The following UTP15 variants were observed in gnomAD, a reference collection of about 807,000 sequenced individuals.
UTP15 encodes the protein U3 small nucleolar RNA-associated protein 15 homolog.
A neutral mutation model predicts 59.1 loss-of-function variants in UTP15; 5 were observed. The observed-to-expected ratio is 0.08, with a 90% CI of 0.04 to 0.18. UTP15 has a LOEUF of 0.18. Ranked by LOEUF, UTP15 falls within the 10% of genes least tolerant of loss-of-function variation. UTP15 has a pLI of 1.00. For synonymous variants in UTP15, 211 were observed against 212.2 expected, an observed-to-expected ratio of 0.99 and a Z score of 0.05; for missense variants, 494 against 616.7, an observed-to-expected ratio of 0.80 and a Z score of 2.11.
At chr5:73,575,223 CAT>C (rs1272035015) in intron 7 of UTP15, among the ~76,000 whole-genome samples, 3 of 152,166 alleles carry the variant, frequency 2.0e-5, no homozygotes, top group African/African-American at 7.2e-5. Flanking sequence ...CAAGTTTACA[CAT>C]GTTACTGAAA....
At position 73,576,496 on chromosome 5, in the gene UTP15, C is replaced by T. The variant is rs1244867066; in HGVS notation, c.810-456C>T. Among the ~76,000 whole-genome samples, 5 of 139,114 alleles carry T rather than the reference C, an allele frequency of 3.6e-5. No individual in the cohort carries two copies. The East Asian group carries it at 1.1e-3, about 31-fold the overall frequency. The allele number at this position is 139,114 out of a possible 152,430, so 91.3% of individuals were successfully genotyped here. A position where few individuals can be genotyped will look rare whatever the true frequency, so the allele number is the denominator to read the frequency against. On this transcript the variant is annotated intron_variant, in intron 7 of 12. Coordinates refer to ENST00000296792, the MANE Select transcript of UTP15 (RefSeq NM_032175.4). ...ACAGCTCTTTTTTTTTTTTTTTAGA[C>T]AGAGCTTTGCTCTTGTCGCCCAGGC...
chr5:73,575,135 TAAG>T (rs1269370550), intron 7 of UTP15, among the ~76,000 whole-genome samples: 1 of 152,238 alleles, frequency 6.6e-6, no homozygotes, highest in Non-Finnish European at 1.5e-5. Context: ...GAACCTGCCA[TAAG>T]AAGGATTGAC....
chr5:73,567,082 T>G (rs1211777554), intron 1 of UTP15, among the ~76,000 whole-genome samples, 180 bp from the exon 2 acceptor site: 1 of 152,252 alleles, frequency 6.6e-6, no homozygotes, highest in African/African-American at 2.4e-5. Flanking sequence ...GATGGTGCGA[T>G]ATGATAGCCT....
intron 5 of UTP15, 106 bp from the exon 6 acceptor site, chr5:73,570,480 T>C (rs1747900471): frequency 8.5e-7 from 1 of 1,175,026 alleles, no homozygotes; most frequent in African/African-American, 1.5e-5. Context: ...TATGTCTTTT[T>C]AAAACTCCAT....
In UTP15 at chr5:73,579,203, A is replaced by T. The variant is rs1305468102; in HGVS notation, c.1280+53A>T. 1.9e-6 allele frequency: 3 copies of T among 1,608,764 alleles called. No individual in the cohort carries two copies. In the African/African-American group the frequency reaches 4.0e-5, roughly 22 times the overall value. On this transcript the variant is annotated intron_variant, in intron 11 of 12. Transcript: ENST00000296792. ...CATTTTGCATCTGAAATCCTTTATC[A>T]CCAAATAAAAGACATTTAGTTTGAT...
At chr5:73,568,126 TAAG>T (rs761433360) in intron 2 of UTP15, 106 bp from the exon 3 acceptor site, 10 of 796,668 alleles carry the variant, frequency 1.3e-5, no homozygotes, top group Admixed American at 3.2e-5. Context: ...AAATACAACT[TAAG>T]AAATGTTACT....
At chr5:73,569,884 G>T (rs2112041340) in intron 5 of UTP15, among the ~76,000 whole-genome samples, 1 of 152,230 alleles carries the variant, frequency 6.6e-6, no homozygotes, top group Non-Finnish European at 1.5e-5. Context: ...CCAGGCTGGA[G>T]TGCAGTGATG....
chr5:73,570,784 G>A, intron 6 of UTP15, 73 bp downstream of exon 6: 1 of 1,587,372 alleles, frequency 6.3e-7, no homozygotes, highest in Non-Finnish European at 8.6e-7. Context: ...GTTGCTCTTT[G>A]TAATTTATCA....
intron 9 of UTP15, chr5:73,578,499 G>A (rs1403639206): frequency 2.5e-6 from 1 of 405,784 alleles, no homozygotes; most frequent in East Asian, 4.4e-5. Context: ...TAGAATTAAG[G>A]CAATGGTGCA....
intron 6 of UTP15, 130 bp downstream of exon 6, chr5:73,570,841 AG>A (rs1477078220): frequency 7.7e-7 from 1 of 1,292,788 alleles, no homozygotes; most frequent in East Asian, 2.3e-5. Flanking sequence ...AACAGTTGAT[AG>A]GTAGGACTGG....
At chr5:73,579,279 G>A (rs779767577) in intron 11 of UTP15, 38 bp from the exon 12 acceptor site, 1 of 1,590,736 alleles carries the variant, frequency 6.3e-7, no homozygotes, top group Non-Finnish European at 8.5e-7. Flanking sequence ...TTTTTTTTAA[G>A]TTTACAAGTT....
At chr5:73,578,055 A>G (rs1001522088) in intron 9 of UTP15, 50 bp downstream of exon 9, 10 of 1,556,210 alleles carry the variant, frequency 6.4e-6, no homozygotes, top group South Asian at 1.2e-5. Flanking sequence ...TTGTTAGAGT[A>G]GCCAGCTTCA....
intron 7 of UTP15, among the ~76,000 whole-genome samples, chr5:73,573,468 G>A (rs763326299): frequency 6.6e-5 from 10 of 151,676 alleles, no homozygotes; most frequent in Non-Finnish European, 1.3e-4. Context: ...GACTGGTCTC[G>A]AACTTCTGGC....
At chr5:73,573,031 C>G (rs568966541) in intron 7 of UTP15, among the ~76,000 whole-genome samples, 1 of 152,010 alleles carries the variant, frequency 6.6e-6, no homozygotes, top group East Asian at 1.9e-4. Flanking sequence ...CTCCTGACCT[C>G]GTGATCCGCC....
intron 6 of UTP15, among the ~76,000 whole-genome samples, chr5:73,571,768 A>G (rs146223546): frequency 3.3e-5 from 5 of 151,956 alleles, no homozygotes; most frequent in African/African-American, 1.2e-4. Flanking sequence ...AGACTCTAAG[A>G]CTCCATCTTT....
intron 3 of UTP15, 39 bp from the exon 4 acceptor site, chr5:73,568,381 C>T: frequency 1.9e-6 from 3 of 1,597,462 alleles, no homozygotes; most frequent in Non-Finnish European, 2.6e-6. Flanking sequence ...TACTACTGAT[C>T]TTGAGCCATC....
At chr5:73,576,467 G>A (rs1384190184) in intron 7 of UTP15, among the ~76,000 whole-genome samples, 1 of 148,374 alleles carries the variant, frequency 6.7e-6, no homozygotes, top group Non-Finnish European at 1.5e-5. Flanking sequence ...GTTAGGGCTG[G>A]TATACAGCTC....
At chr5:73,576,492 T>A (rs1387794810) in intron 7 of UTP15, among the ~76,000 whole-genome samples, 1 of 151,236 alleles carries the variant, frequency 6.6e-6, no homozygotes, top group African/African-American at 2.4e-5. Context: ...TTTTTTTTTT[T>A]AGACAGAGCT....
At chr5:73,569,201 G>A (rs1434315443) in intron 4 of UTP15, among the ~76,000 whole-genome samples, 1 of 152,062 alleles carries the variant, frequency 6.6e-6, no homozygotes, top group Admixed American at 6.5e-5. Flanking sequence ...AAAAATTAAA[G>A]TGCCTTTGCT....
Sources: gnomAD v4.1 joint callset for allele counts (sites outside exome capture counted in the v4.1 genomes callset) on GRCh38, gnomAD v4.1.1 for gene constraint, MANE v1.5 for transcripts, NCBI Gene and HGNC (gene_info 2026-07-23, HGNC 2026-07-21) for gene names.